PCSK2: variants seen among roughly 807,000 people sequenced by gnomAD.
The protein encoded by PCSK2 is neuroendocrine convertase 2.
A neutral mutation model predicts 69.7 loss-of-function variants in PCSK2; 14 were observed. The observed-to-expected ratio is 0.20, with a 90% CI of 0.13 to 0.31. The LOEUF is 0.31. Ranked by LOEUF, PCSK2 falls within the 10% of genes least tolerant of loss-of-function variation. PCSK2 has a pLI of 1.00. For synonymous variants in PCSK2, 307 were observed against 320.7 expected (o/e 0.96, Z 0.46); for missense variants, 544 against 842.5 (o/e 0.65, Z 4.39).
chr20:17,473,087 CTTTTTTTTTTTTTT>C (rs10648323), intron 11 of PCSK2, among the ~76,000 whole-genome samples: 1 of 76,800 alleles, frequency 1.3e-5, no homozygotes, highest in African/African-American at 5.5e-5. Context: ...AAGAAGAACT[CTTTTTTTTTTTTTT>C]TTTTTTTTTT....
intron 2 of PCSK2, among the ~76,000 whole-genome samples, chr20:17,327,273 C>G (rs1239241814): frequency 6.6e-6 from 1 of 152,194 alleles, no homozygotes; most frequent in African/African-American, 2.4e-5. Context: ...TTTGAGAAAT[C>G]CATCTCCCTT....
chr20:17,405,685 T>C (rs1310056196), intron 5 of PCSK2, among the ~76,000 whole-genome samples: 1 of 152,256 alleles, frequency 6.6e-6, no homozygotes, highest in Non-Finnish European at 1.5e-5. Flanking sequence ...ATTATTAAAC[T>C]TTCTAGCTAA....
chr20:17,364,467 C>T (rs1015233030), intron 4 of PCSK2, among the ~76,000 whole-genome samples: 2 of 152,250 alleles, frequency 1.3e-5, no homozygotes, highest in East Asian at 1.9e-4. Context: ...GGAGGCCTCA[C>T]GATCATGGCG....
intron 2 of PCSK2, among the ~76,000 whole-genome samples, chr20:17,348,119 G>C (rs1162656989): frequency 2.0e-5 from 3 of 151,354 alleles, no homozygotes; most frequent in African/African-American, 7.3e-5. Context: ...AAAAGAAAGA[G>C]AGAGAGAAAA....
intron 8 of PCSK2, among the ~76,000 whole-genome samples, chr20:17,451,573 A>G (rs1428323152): frequency 6.6e-6 from 1 of 152,202 alleles, no homozygotes; most frequent in Non-Finnish European, 1.5e-5. Flanking sequence ...TGATGTTTGG[A>G]ACTGATACAG....
At chr20:17,347,883 A>G (rs1990709541) in intron 2 of PCSK2, among the ~76,000 whole-genome samples, 1 of 4,598 alleles carries the variant, frequency 2.2e-4, no homozygotes, top group Non-Finnish European at 8.7e-4. Context: ...AAAGAAAGAA[A>G]GAAAGAAAGA....
chr20:17,272,745 A>C (rs987932800), intron 2 of PCSK2, among the ~76,000 whole-genome samples: 2 of 152,122 alleles, frequency 1.3e-5, no homozygotes, highest in Non-Finnish European at 2.9e-5. Context: ...AGGAAATTCT[A>C]AAGCACCCAA....
intron 2 of PCSK2, among the ~76,000 whole-genome samples, chr20:17,279,608 C>T (rs1006135714): frequency 1.1e-4 from 16 of 151,972 alleles, no homozygotes; most frequent in African/African-American, 3.9e-4. Flanking sequence ...GAGTTCGAGA[C>T]CAGCCTGACC....
At chr20:17,393,188 G>T (rs921301118) in intron 5 of PCSK2, among the ~76,000 whole-genome samples, 1 of 152,186 alleles carries the variant, frequency 6.6e-6, no homozygotes, top group African/African-American at 2.4e-5. Context: ...TCAGTCCAAT[G>T]AGACCAGAAC....
chr20:17,335,944 C>T (rs1398863882), intron 2 of PCSK2, among the ~76,000 whole-genome samples: 2 of 145,184 alleles, frequency 1.4e-5, no homozygotes, highest in Non-Finnish European at 3.0e-5. Flanking sequence ...GGGCTGGTTC[C>T]ATATTTTTGC....
intron 2 of PCSK2, among the ~76,000 whole-genome samples, chr20:17,299,071 T>C (rs1043468030): frequency 3.3e-5 from 5 of 152,234 alleles, no homozygotes; most frequent in African/African-American, 1.2e-4. Context: ...ACAGAAAGTT[T>C]AAAAGTTTAT....
chr20:17,325,848 T>C (rs1990032412), intron 2 of PCSK2, among the ~76,000 whole-genome samples: 1 of 151,620 alleles, frequency 6.6e-6, no homozygotes, highest in African/African-American at 2.4e-5. Context: ...CCATTAGTGG[T>C]ATAGCCCAGG....
intron 2 of PCSK2, among the ~76,000 whole-genome samples, chr20:17,279,170 A>T (rs1210388588): frequency 6.6e-6 from 1 of 152,102 alleles, no homozygotes; most frequent in African/African-American, 2.4e-5. Flanking sequence ...CCGCATTCCG[A>T]TGCAGAATGT....
chr20:17,370,923 C>T (rs2030739857), intron 5 of PCSK2, among the ~76,000 whole-genome samples: 1 of 152,180 alleles, frequency 6.6e-6, no homozygotes, highest in Non-Finnish European at 1.5e-5. Context: ...TGGCAGGGAT[C>T]ATGGCCTCCA....
At chr20:17,381,734 T>A (rs1157879188) in intron 5 of PCSK2, among the ~76,000 whole-genome samples, 1 of 152,190 alleles carries the variant, frequency 6.6e-6, no homozygotes, top group East Asian at 1.9e-4. Flanking sequence ...GTTGAAGCTA[T>A]TCTGGTATGG....
chr20:17,391,624 A>G (rs1366677418), intron 5 of PCSK2, among the ~76,000 whole-genome samples: 3 of 152,162 alleles, frequency 2.0e-5, no homozygotes, highest in Non-Finnish European at 4.4e-5. Context: ...TAGTGCTGGG[A>G]AAAGGAAGTA....
chr20:17,319,741 A>G (rs970526358), intron 2 of PCSK2, among the ~76,000 whole-genome samples: 11 of 152,134 alleles, frequency 7.2e-5, no homozygotes, highest in African/African-American at 2.7e-4. Context: ...TATCCTTGAA[A>G]ATGCTTTTAT....
intron 2 of PCSK2, among the ~76,000 whole-genome samples, chr20:17,345,486 T>C (rs1990625505): frequency 6.6e-6 from 1 of 152,196 alleles, no homozygotes; most frequent in Non-Finnish European, 1.5e-5. Flanking sequence ...ATGGTCTCTG[T>C]TGCAATTACT....
upstream of PCSK2, chr20:17,226,405 C>G (rs1985901802): frequency 6.6e-6 from 1 of 152,124 alleles, no homozygotes; most frequent in Non-Finnish European, 1.5e-5. Flanking sequence ...CTCCTGGTGC[C>G]AAGGAGAGCA....
Sources: gnomAD v4.1 joint callset for allele counts (sites outside exome capture counted in the v4.1 genomes callset) on GRCh38, gnomAD v4.1.1 for gene constraint, MANE v1.5 for transcripts, NCBI Gene and HGNC (gene_info 2026-07-23, HGNC 2026-07-21) for gene names.